The following LMO1 variants were observed in gnomAD, a reference collection of about 807,000 sequenced individuals.
LMO1 encodes LIM domain only 1.
In LMO1, 10 loss-of-function variants were observed where a neutral mutation model predicts 18.0. The ratio of observed to expected loss-of-function variants is 0.55; its 90% CI spans 0.34 to 0.94. The LOEUF is 0.94. Ranked by LOEUF, LMO1 falls within the 40% of genes least tolerant of loss-of-function variation. The pLI, the probability that LMO1 is intolerant of heterozygous loss-of-function variation, is 0.02. For missense variants in LMO1, 183 were observed against 205.7 expected, an observed-to-expected ratio of 0.89 and a Z score of 0.68; for synonymous variants, 77 against 77.9, an observed-to-expected ratio of 0.99 and a Z score of 0.06.
chr11:8,263,873 A>G lies in LMO1; in HGVS notation c.-511T>C, dbSNP rs1269421720. ...CGTCTCCCGCTGCCTTTCTCCCTCA[A>G]TGTATGAGGTTTGCACTCCTGCTAC... On this transcript the variant is annotated 5_prime_UTR_variant, in exon 1 of 4. Transcript: ENST00000335790. The G allele has an allele frequency of 4.8e-6, 5 of 1,038,042 alleles. 1 individual carries two copies. The highest frequency in any genetic ancestry group is 5.7e-5 in the Admixed American group (1 of 17,608). The allele number at this position is 1,038,042 out of a possible 1,614,324, so 64.3% of individuals were successfully genotyped here.
In LMO1 at chr11:8,263,573, C is replaced by A; in HGVS notation, c.-211G>T. On this transcript the variant is annotated 5_prime_UTR_variant, in exon 1 of 4. Coordinates refer to ENST00000335790, the MANE Select transcript of LMO1 (RefSeq NM_002315.3). ...AAAAGCAGTCTCACCTACTTTTGTG[C>A]CTCAGAATTGGAAGGAACTACGAAC... The A allele has an allele frequency of 7.3e-7, 1 of 1,367,670 alleles. No individual in the cohort carries two copies. The allele number at this position is 1,367,670 out of a possible 1,614,324, so 84.7% of individuals were successfully genotyped here.
upstream of LMO1, among the ~76,000 whole-genome samples, chr11:8,267,413 C>T (rs1847271710): frequency 6.6e-6 from 1 of 152,204 alleles, no homozygotes; most frequent in Non-Finnish European, 1.5e-5. Context: ...CAGACCCTTT[C>T]CCTGCAGCCC....
intron 1 of LMO1, among the ~76,000 whole-genome samples, chr11:8,244,664 G>A (rs887000655): frequency 5.3e-5 from 8 of 152,124 alleles, no homozygotes; most frequent in African/African-American, 1.7e-4. Flanking sequence ...ATTACCACTC[G>A]GGCTAACTGA....
At chr11:8,251,522 G>A (rs1156724646) in intron 1 of LMO1, among the ~76,000 whole-genome samples, 2 of 152,206 alleles carry the variant, frequency 1.3e-5, no homozygotes, top group East Asian at 1.9e-4. Context: ...CCTCCTCTGC[G>A]GGTATCATCC....
At position 8,226,968 on chromosome 11, in the gene LMO1, C is replaced by A; in HGVS notation, c.365+7G>T. On this transcript the variant is annotated splice_region_variant and intron_variant, in intron 3 of 3. Transcript: ENST00000335790. ...GAGTGTGTTGGGTCGGCCAGTCCAG[C>A]ACTGACCTCTGGTTGCAGAGCTGGC... 6.2e-7 allele frequency: 1 copy of A among 1,611,784 alleles called. No individual in the cohort carries two copies. Among genetic ancestry groups the A allele is most frequent in the Non-Finnish European group, 8.5e-7 (1 of 1,178,972 alleles).
At position 8,263,433 on chromosome 11, in the gene LMO1, G is replaced by C; in HGVS notation, c.-71C>G. 8 of 1,584,908 alleles carry C rather than the reference G, an allele frequency of 5.0e-6. No individual in the cohort carries two copies. The highest frequency in any genetic ancestry group is 6.8e-6 in the Non-Finnish European group (8 of 1,171,576). On this transcript the variant is annotated 5_prime_UTR_variant, in exon 1 of 4. Transcript: ENST00000335790. ...GGGCGCCGACTCGGGGCGCGCTTTGGAGGGGCGGCCGGTCTTCGGGCAGCT... is the reference window on the plus strand; with the variant it reads ...GGGCGCCGACTCGGGGCGCGCTTTGCAGGGGCGGCCGGTCTTCGGGCAGCT...
intron 1 of LMO1, among the ~76,000 whole-genome samples, chr11:8,232,717 G>T (rs1952689722): frequency 6.6e-6 from 1 of 152,136 alleles, no homozygotes. Flanking sequence ...CCCTCCCAGG[G>T]CTCTATATTT....
Position 8,263,689 on chromosome 11 carries a change from T to A in LMO1, c.-327A>T. The A allele has an allele frequency of 7.9e-7, 1 of 1,258,642 alleles. No homozygotes were observed. The highest frequency in any genetic ancestry group is 1.0e-6 in the Non-Finnish European group (1 of 1,001,410). The allele number at this position is 1,258,642 out of a possible 1,614,324, so 78.0% of individuals were successfully genotyped here. A position where few individuals can be genotyped will look rare whatever the true frequency, so the allele number is the denominator to read the frequency against. ...ATTCTCACCTTCTAAATGGCTCAATTTGCCCAGTATAATCTGTCTTAATGT... is the reference window on the plus strand; with the variant it reads ...ATTCTCACCTTCTAAATGGCTCAATATGCCCAGTATAATCTGTCTTAATGT... On this transcript the variant is annotated 5_prime_UTR_variant, in exon 1 of 4. Coordinates refer to ENST00000335790, the MANE Select transcript of LMO1 (RefSeq NM_002315.3).
intron 1 of LMO1, among the ~76,000 whole-genome samples, chr11:8,257,905 G>A (rs1847124494): frequency 6.6e-6 from 1 of 152,234 alleles, no homozygotes; most frequent in African/African-American, 2.4e-5. Flanking sequence ...ACTGAGCATG[G>A]AGCAATGTTG....
chr11:8,224,972 C>T (rs1332236997), intron 3 of LMO1, among the ~76,000 whole-genome samples: 1 of 152,140 alleles, frequency 6.6e-6, no homozygotes, highest in Non-Finnish European at 1.5e-5. Flanking sequence ...AGTTGGGCCA[C>T]AGGCTTCCAT....
chr11:8,259,537 C>T (rs983255939), intron 1 of LMO1, among the ~76,000 whole-genome samples: 6 of 152,232 alleles, frequency 3.9e-5, no homozygotes, highest in African/African-American at 1.4e-4. Context: ...GGTCCCCACC[C>T]TGCCAGACTC....
intron 1 of LMO1, among the ~76,000 whole-genome samples, chr11:8,252,960 T>C (rs1847029230): frequency 6.6e-6 from 1 of 152,254 alleles, no homozygotes; most frequent in African/African-American, 2.4e-5. Flanking sequence ...CAGTGGCATA[T>C]ATACTCTGCA....
At chr11:8,236,386 T>C (rs867767901) in intron 1 of LMO1, among the ~76,000 whole-genome samples, 2 of 151,136 alleles carry the variant, frequency 1.3e-5, no homozygotes, top group African/African-American at 4.9e-5. Flanking sequence ...TTTTTTTTTT[T>C]CAGAGACAAG....
At chr11:8,256,650 C>T (rs204938) in intron 1 of LMO1, among the ~76,000 whole-genome samples, 75,066 of 152,104 alleles carry the variant, frequency 0.49, 20,116 homozygotes, top group East Asian at 0.79. Flanking sequence ...CCACCAGTAG[C>T]GAACAAGCTT....
chr11:8,257,489 C>T (rs1847116402), intron 1 of LMO1, among the ~76,000 whole-genome samples: 1 of 152,230 alleles, frequency 6.6e-6, no homozygotes, highest in South Asian at 2.1e-4. Context: ...GACACCCAAG[C>T]ACGTGGTCCG....
chr11:8,262,947 G>C (rs146280416), intron 1 of LMO1, among the ~76,000 whole-genome samples: 6 of 152,228 alleles, frequency 3.9e-5, no homozygotes, highest in Non-Finnish European at 7.4e-5. Context: ...TGGCGCGAGG[G>C]TGATGGCTGC....
intron 1 of LMO1, among the ~76,000 whole-genome samples, chr11:8,249,635 G>A (rs1446254448): frequency 6.6e-6 from 1 of 152,162 alleles, no homozygotes; most frequent in Non-Finnish European, 1.5e-5. Flanking sequence ...TGGAGAAACT[G>A]GAACTCCTAC....
chr11:8,259,276 C>T (rs1292839735), intron 1 of LMO1, among the ~76,000 whole-genome samples: 1 of 152,144 alleles, frequency 6.6e-6, no homozygotes, highest in Non-Finnish European at 1.5e-5. Context: ...GAGCAGGGAA[C>T]AGAGAGAAGC....
At chr11:8,256,620 A>T (rs1303511493) in intron 1 of LMO1, among the ~76,000 whole-genome samples, 1 of 152,246 alleles carries the variant, frequency 6.6e-6, no homozygotes, top group Non-Finnish European at 1.5e-5. Flanking sequence ...CCTTGGACAG[A>T]ACACAAAACG....
Sources: allele counts gnomAD v4.1 joint callset (sites outside exome capture counted in the v4.1 genomes callset), GRCh38; gene constraint gnomAD v4.1.1; transcripts MANE v1.5; gene names NCBI Gene and HGNC (gene_info 2026-07-23, HGNC 2026-07-21).